The following BMP5 variants were observed in gnomAD, a reference collection of about 807,000 sequenced individuals.
BMP5 encodes bone morphogenetic protein 5.
BMP5 carries 23 observed loss-of-function variants against 46.6 expected under a neutral mutation model. That is an observed-to-expected ratio of 0.49 (90% CI 0.35 to 0.70). The LOEUF is 0.70. BMP5 is among the 30% of genes least tolerant of loss of function. The pLI is 0.00. For missense variants in BMP5, 545 were observed against 565.6 expected, an observed-to-expected ratio of 0.96 and a Z score of 0.37; for synonymous variants, 204 against 191.9, an observed-to-expected ratio of 1.06 and a Z score of -0.52.
intron 2 of BMP5, among the ~76,000 whole-genome samples, chr6:55,796,500 C>CT (rs370150582): frequency 5.8e-4 from 86 of 148,970 alleles, no homozygotes; most frequent in East Asian, 2.0e-3. Context: ...TATTTTTTTT[C>CT]TTTTTTTTTA....
At chr6:55,787,080 A>G (rs1458078330) in intron 3 of BMP5, among the ~76,000 whole-genome samples, 4 of 151,674 alleles carry the variant, frequency 2.6e-5, no homozygotes, top group Admixed American at 2.6e-4. Flanking sequence ...TTCTTCTGCT[A>G]CTTATTAGCA....
At chr6:55,849,813 G>A (rs1264357461) in intron 1 of BMP5, among the ~76,000 whole-genome samples, 1 of 151,824 alleles carries the variant, frequency 6.6e-6, no homozygotes, top group Non-Finnish European at 1.5e-5. Flanking sequence ...ATTAAATTAT[G>A]GAGACCAGAA....
chr6:55,864,761 C>A (rs1351600321), intron 1 of BMP5, among the ~76,000 whole-genome samples: 1 of 151,926 alleles, frequency 6.6e-6, no homozygotes, highest in East Asian at 1.9e-4. Flanking sequence ...CAATGTGCAT[C>A]CTGTAATAGA....
chr6:55,798,941 C>G (rs1775779994), intron 2 of BMP5, among the ~76,000 whole-genome samples: 1 of 152,162 alleles, frequency 6.6e-6, no homozygotes, highest in Non-Finnish European at 1.5e-5. Context: ...AACCAAAATT[C>G]AGCAGAATTT....
chr6:55,875,410 CT>C lies in BMP5; in HGVS notation c.-546del, dbSNP rs1777883636. ...GGCAGCTTGGTGATAACTTTAACAT[CT>C]TTTGTGTCGTCTTAGTGTAAAATAA... On this transcript the variant is annotated 5_prime_UTR_variant, in exon 1 of 7. Coordinates refer to ENST00000370830, the MANE Select transcript of BMP5 (RefSeq NM_021073.4). 1 of 160,036 alleles carries C rather than the reference CT, an allele frequency of 6.2e-6. No individual in the cohort carries two copies. The highest frequency in any genetic ancestry group is 1.4e-5 in the Non-Finnish European group (1 of 72,570). The allele number at this position is 160,036 out of a possible 1,614,324, so 9.9% of individuals were successfully genotyped here.
intron 3 of BMP5, among the ~76,000 whole-genome samples, chr6:55,775,581 T>C (rs1775155251): frequency 6.6e-6 from 1 of 151,924 alleles, no homozygotes; most frequent in African/African-American, 2.4e-5. Context: ...TGGTTTGAAA[T>C]ATGTGCATGA....
chr6:55,832,288 T>G (rs1374762660), intron 1 of BMP5, among the ~76,000 whole-genome samples: 2 of 152,176 alleles, frequency 1.3e-5, no homozygotes, highest in African/African-American at 4.8e-5. Flanking sequence ...TTGATCACAA[T>G]GAGCCTGCAA....
In BMP5 at chr6:55,830,441, G is replaced by A. The variant is rs1046527017; in HGVS notation, c.491-10594C>T. On this transcript the variant is annotated intron_variant, in intron 1 of 6. Transcript: ENST00000370830. ...GATTTCAGGTCAACCACAAAACTCA[G>A]AGCAAAATTCAGCTACGCATCTTTG... Among the ~76,000 whole-genome samples, 4 of 152,052 alleles carry A rather than the reference G, an allele frequency of 2.6e-5. No homozygotes were observed. The East Asian group carries it at 7.7e-4, about 29-fold the overall frequency.
chr6:55,856,714 G>A (rs992796660), intron 1 of BMP5, among the ~76,000 whole-genome samples: 7 of 151,856 alleles, frequency 4.6e-5, no homozygotes, highest in African/African-American at 1.2e-4. Context: ...CATACCACCC[G>A]ATTAGTGATT....
intron 6 of BMP5, among the ~76,000 whole-genome samples, chr6:55,758,517 G>A (rs192612948): frequency 5.8e-4 from 88 of 152,028 alleles, no homozygotes; most frequent in Non-Finnish European, 5.7e-4. Flanking sequence ...ATTACAGGAG[G>A]AGGAGGAGAA....
intron 3 of BMP5, among the ~76,000 whole-genome samples, chr6:55,774,704 T>C (rs1334306350): frequency 6.6e-6 from 1 of 151,986 alleles, no homozygotes; most frequent in African/African-American, 2.4e-5. Flanking sequence ...CAAGTGTTAA[T>C]TAGTGGTGAT....
intron 4 of BMP5, among the ~76,000 whole-genome samples, chr6:55,771,212 C>A (rs1312981007): frequency 6.6e-6 from 1 of 151,806 alleles, no homozygotes; most frequent in African/African-American, 2.4e-5. Flanking sequence ...CTCCTTCAAG[C>A]AGCATCATGT....
chr6:55,809,462 C>A (rs947739007), intron 2 of BMP5, among the ~76,000 whole-genome samples: 1 of 151,774 alleles, frequency 6.6e-6, no homozygotes, highest in Non-Finnish European at 1.5e-5. Context: ...CTCAGTTCTA[C>A]TGGAGAAAAA....
chr6:55,873,793 T>C (rs1233154358), intron 1 of BMP5, among the ~76,000 whole-genome samples: 1 of 152,066 alleles, frequency 6.6e-6, no homozygotes, highest in African/African-American at 2.4e-5. Context: ...TAAGAACTGT[T>C]AGATTGAAAC....
At chr6:55,849,944 C>G (rs1777186952) in intron 1 of BMP5, among the ~76,000 whole-genome samples, 1 of 152,036 alleles carries the variant, frequency 6.6e-6, no homozygotes, top group South Asian at 2.1e-4. Flanking sequence ...TCTGGTGGAC[C>G]TATCAATTTG....
At chr6:55,837,377 A>AGATT (rs1562062980) in intron 1 of BMP5, among the ~76,000 whole-genome samples, 12 of 135,914 alleles carry the variant, frequency 8.8e-5, no homozygotes. Context: ...ATAGATAGAT[A>AGATT]GACAGACAGA....
At chr6:55,778,877 C>T (rs888139248) in intron 3 of BMP5, among the ~76,000 whole-genome samples, 3 of 152,008 alleles carry the variant, frequency 2.0e-5, no homozygotes, top group African/African-American at 7.2e-5. Context: ...GCTACTCTAA[C>T]CCAAATGACT....
At chr6:55,802,554 A>T (rs991377892) in intron 2 of BMP5, among the ~76,000 whole-genome samples, 3 of 152,154 alleles carry the variant, frequency 2.0e-5, no homozygotes, top group African/African-American at 7.2e-5. Flanking sequence ...TAGATAAGGA[A>T]AAGTGACCAG....
intron 1 of BMP5, among the ~76,000 whole-genome samples, chr6:55,825,741 G>A (rs1297413518): frequency 1.3e-5 from 2 of 151,812 alleles, no homozygotes; most frequent in South Asian, 4.1e-4. Context: ...GAGGATTACA[G>A]TTTTATCTAT....
Sources: allele counts gnomAD v4.1 joint callset (sites outside exome capture counted in the v4.1 genomes callset), GRCh38; gene constraint gnomAD v4.1.1; transcripts MANE v1.5; gene names NCBI Gene and HGNC (gene_info 2026-07-23, HGNC 2026-07-21).